Variants in SNX29 observed in about 807,000 individuals in gnomAD.
SNX29 encodes sorting nexin 29, also known as sorting nexin-29.
Under a neutral mutation model 102.1 loss-of-function variants are expected in SNX29, and 78 were observed. The observed-to-expected ratio is 0.76, with a 90% CI of 0.64 to 0.92. The LOEUF (loss-of-function observed/expected upper bound fraction) is 0.92, where lower values mean the gene tolerates loss of function less well. SNX29 is among the 40% of genes least tolerant of loss of function. The pLI is 0.00. For missense variants in SNX29, 1,280 were observed against 1,061.7 expected, an observed-to-expected ratio of 1.21 and a Z score of -2.86; for synonymous variants, 580 against 414.5, an observed-to-expected ratio of 1.40 and a Z score of -4.85.
chr16:12,345,603 G>C (rs771220438), intron 15 of SNX29, among the ~76,000 whole-genome samples: 10 of 152,214 alleles, frequency 6.6e-5, no homozygotes, highest in Non-Finnish European at 1.3e-4. Flanking sequence ...AGTAACTGTT[G>C]TTGCCACTAC....
At chr16:12,121,596 G>A (rs2053975760) in intron 11 of SNX29, among the ~76,000 whole-genome samples, 1 of 152,176 alleles carries the variant, frequency 6.6e-6, no homozygotes, top group South Asian at 2.1e-4. Flanking sequence ...CTGCCGCTTT[G>A]CCAGACTCGG....
At position 12,572,282 on chromosome 16, in the gene SNX29, G is replaced by A; in HGVS notation, c.*3653G>A. 1.9e-6 allele frequency: 2 copies of A among 1,052,316 alleles called. No homozygotes were observed. Among genetic ancestry groups the A allele is most frequent in the Non-Finnish European group, 2.3e-6 (2 of 875,144 alleles). The allele number at this position is 1,052,316 out of a possible 1,614,324, so 65.2% of individuals were successfully genotyped here. A position where few individuals can be genotyped will look rare whatever the true frequency, so the allele number is the denominator to read the frequency against. ...TGGCTGTAGCTGATGCAACTAACAA[G>A]TACTGGGGCCAGTGATCACAATCCA... On this transcript the variant is annotated 3_prime_UTR_variant, in exon 21 of 21. Transcript: ENST00000566228.
At position 12,571,074 on chromosome 16, in the gene SNX29, A is replaced by C. The variant is rs1307992938; in HGVS notation, c.*2445A>C. 8.6e-6 allele frequency: 2 copies of C among 232,608 alleles called. No individual in the cohort carries two copies. Among genetic ancestry groups the C allele is most frequent in the Middle Eastern group, 1.3e-3 (1 of 782 alleles). The allele number at this position is 232,608 out of a possible 1,614,324, so 14.4% of individuals were successfully genotyped here. A position where few individuals can be genotyped will look rare whatever the true frequency, so the allele number is the denominator to read the frequency against. On this transcript the variant is annotated 3_prime_UTR_variant, in exon 21 of 21. Transcript: ENST00000566228. ...CTCTAAAAATGCTGGTGGCCCGCAC[A>C]TGACAGCAACTCCCCGAAGCCTTCC... is the stretch of plus-strand genomic sequence containing the variant.
chr16:12,562,780 G>A (rs753611163), intron 20 of SNX29, among the ~76,000 whole-genome samples: 5 of 152,114 alleles, frequency 3.3e-5, no homozygotes, highest in Admixed American at 6.5e-5. Context: ...GAGTCCTTTA[G>A]CCATCACCAT....
intron 16 of SNX29, among the ~76,000 whole-genome samples, chr16:12,370,222 A>G (rs2082633396): frequency 6.6e-6 from 1 of 152,158 alleles, no homozygotes; most frequent in Non-Finnish European, 1.5e-5. Context: ...ACTCCATCTC[A>G]GAAACAAAAC....
chr16:12,253,894 C>T (rs886816549), intron 14 of SNX29, among the ~76,000 whole-genome samples: 5 of 152,028 alleles, frequency 3.3e-5, no homozygotes, highest in African/African-American at 4.8e-5. Flanking sequence ...AGGCACAAGG[C>T]GGTGGTGGCT....
Position 12,532,133 on chromosome 16 carries a change from C to G in SNX29, c.2318+7292C>G, listed in dbSNP as rs1013790954. ...TCTCATTAGTCAGGATTGCCTTGCACTGATGCCATGCTGTAACTGTGTGTT... is the reference window on the plus strand; with the variant it reads ...TCTCATTAGTCAGGATTGCCTTGCAGTGATGCCATGCTGTAACTGTGTGTT... On this transcript the variant is annotated intron_variant, in intron 20 of 20. Coordinates refer to ENST00000566228, the MANE Select transcript of SNX29 (RefSeq NM_032167.5). Among the ~76,000 whole-genome samples, 5 of 152,344 alleles carry G rather than the reference C, an allele frequency of 3.3e-5. No homozygotes were observed. In the South Asian group the frequency reaches 6.2e-4, roughly 19 times the overall value.
intron 14 of SNX29, among the ~76,000 whole-genome samples, chr16:12,208,961 A>G (rs935817840): frequency 2.0e-5 from 3 of 152,100 alleles, no homozygotes; most frequent in Non-Finnish European, 4.4e-5. Flanking sequence ...GGGCTGGTAG[A>G]AGGTCTGTTC....
At chr16:12,560,283 G>A (rs551858204) in intron 20 of SNX29, among the ~76,000 whole-genome samples, 11 of 152,260 alleles carry the variant, frequency 7.2e-5, no homozygotes, top group Non-Finnish European at 1.3e-4. Context: ...CAATGTCACA[G>A]TGTTATTGAA....
At chr16:12,186,414 A>G (rs1289072686) in intron 13 of SNX29, among the ~76,000 whole-genome samples, 1 of 152,204 alleles carries the variant, frequency 6.6e-6, no homozygotes, top group African/African-American at 2.4e-5. Flanking sequence ...TTTAAGAATT[A>G]GTTGCAAACA....
chr16:12,561,024 T>C (rs1417107804), intron 20 of SNX29: 2 of 220,544 alleles, frequency 9.1e-6, no homozygotes, highest in East Asian at 6.6e-5. Flanking sequence ...ATGGTGGAAG[T>C]CTTGGAGACC....
chr16:12,538,145 TCA>T (rs957879079), intron 20 of SNX29, among the ~76,000 whole-genome samples: 5 of 152,032 alleles, frequency 3.3e-5, no homozygotes, highest in African/African-American at 1.2e-4. Context: ...AGACGGAGTC[TCA>T]CTCTGTCACC....
At chr16:12,136,658 C>T (rs1246954713) in intron 13 of SNX29, among the ~76,000 whole-genome samples, 1 of 152,264 alleles carries the variant, frequency 6.6e-6, no homozygotes, top group Non-Finnish European at 1.5e-5. Context: ...CCTCTGGTAG[C>T]ACTGAGACTC....
At chr16:12,230,744 G>T (rs1399844902) in intron 14 of SNX29, among the ~76,000 whole-genome samples, 3 of 152,156 alleles carry the variant, frequency 2.0e-5, no homozygotes, top group African/African-American at 7.2e-5. Context: ...CCATCACCTA[G>T]AAACTATTTG....
intron 1 of SNX29, among the ~76,000 whole-genome samples, chr16:11,983,930 C>T (rs1596524588): frequency 1.3e-5 from 2 of 152,106 alleles, no homozygotes; most frequent in South Asian, 4.1e-4. Context: ...AAAAAACTTA[C>T]TTGGATGTAT....
At position 12,453,009 on chromosome 16, in the gene SNX29, C is replaced by G. The variant is rs145441485; in HGVS notation, c.2038-24710C>G. Among the ~76,000 whole-genome samples the G allele has an allele frequency of 3.4e-3, 516 of 152,248 alleles. 6 individuals are homozygous for G. The highest frequency in any genetic ancestry group is 0.026 in the South Asian group (124 of 4,818). ...ACCCACTTTCTCAAGGCACGGGGCC[C>G]TAGATGCAAAAAGGATCCCCAGCAG... On this transcript the variant is annotated intron_variant, in intron 18 of 20. Coordinates refer to ENST00000566228, the MANE Select transcript of SNX29 (RefSeq NM_032167.5).
At chr16:12,109,737 C>CT (rs35252846) in intron 11 of SNX29, among the ~76,000 whole-genome samples, 49,746 of 148,218 alleles carry the variant, frequency 0.34, 9,296 homozygotes, top group Middle Eastern at 0.44. Context: ...TTGCCCTCAT[C>CT]TTTTTTTTTT....
rs11075087 is a variant in SNX29 at position 12,524,608 on chromosome 16, G to T, written c.2179-94G>T. On this transcript the variant is annotated intron_variant, in intron 19 of 20. Transcript: ENST00000566228. ...GTTGCTCAATCAGTGTTGGTTGCCT[G>T]GATGGCGCTGATGGGTGATCGCCTG... The T allele has an allele frequency of 2.8e-6, 4 of 1,436,290 alleles. No homozygotes were observed. In the East Asian group the frequency reaches 7.6e-5, roughly 27 times the overall value. The allele number at this position is 1,436,290 out of a possible 1,614,324, so 89.0% of individuals were successfully genotyped here.
At chr16:12,219,754 G>C (rs1486787200) in intron 14 of SNX29, among the ~76,000 whole-genome samples, 1 of 152,212 alleles carries the variant, frequency 6.6e-6, no homozygotes, top group East Asian at 1.9e-4. Context: ...TTGTCCTGTG[G>C]TTTTTGTGTT....
Sources: allele counts gnomAD v4.1 joint callset (sites outside exome capture counted in the v4.1 genomes callset), GRCh38; gene constraint gnomAD v4.1.1; transcripts MANE v1.5; gene names NCBI Gene and HGNC (gene_info 2026-07-23, HGNC 2026-07-21).